TATDN2: variants seen among roughly 807,000 people sequenced by gnomAD.
TATDN2 encodes 3'-5' RNA nuclease TATDN2.
A neutral mutation model predicts 60.3 loss-of-function variants in TATDN2; 44 were observed. That is an observed-to-expected ratio of 0.73 (90% CI 0.57 to 0.94). The LOEUF (loss-of-function observed/expected upper bound fraction) is 0.94, where lower values mean the gene tolerates loss of function less well. TATDN2 is among the 40% of genes least tolerant of loss of function. TATDN2 has a pLI of 0.00. For missense variants in TATDN2, 997 were observed against 948.0 expected (o/e 1.05, Z -0.68); for synonymous variants, 399 against 355.8 (o/e 1.12, Z -1.37).
chr3:10,261,365 C>CTTTTTT (rs58599009), intron 3 of TATDN2, among the ~76,000 whole-genome samples: 14 of 134,034 alleles, frequency 1.0e-4, no homozygotes, highest in South Asian at 2.4e-4. Context: ...CCATCTTTTT[C>CTTTTTT]TTTTTTTTTT....
chr3:10,254,450 T>G (rs1017567464), intron 2 of TATDN2, among the ~76,000 whole-genome samples: 4 of 152,204 alleles, frequency 2.6e-5, no homozygotes, highest in African/African-American at 9.7e-5. Flanking sequence ...CTCTCATCCG[T>G]GCTCTCCTGC....
rs557373350 is a variant in TATDN2, at chr3:10,260,977, G to T, written c.948+307G>T. Among the ~76,000 whole-genome samples, 5 of 152,168 alleles carry T rather than the reference G, an allele frequency of 3.3e-5. 1 individual carries two copies. In the South Asian group the frequency reaches 1.0e-3, roughly 32 times the overall value. On this transcript the variant is annotated intron_variant, in intron 3 of 7. Transcript: ENST00000448281. The stretch of plus-strand genomic sequence containing the variant: ...ATATAAGTTTGGCTTAAGAAGGATG[G>T]CTCCATCATGTCAGAGATACTGGTA...
intron 3 of TATDN2, among the ~76,000 whole-genome samples, chr3:10,268,111 CAA>C (rs1412179870): frequency 6.6e-6 from 1 of 152,156 alleles, no homozygotes; most frequent in Non-Finnish European, 1.5e-5. Context: ...CACCCAGCTT[CAA>C]GAGTTCAGAT....
Position 10,261,848 on chromosome 3 carries a change from T to G in TATDN2, c.948+1178T>G, listed in dbSNP as rs528662528. On this transcript the variant is annotated intron_variant, in intron 3 of 7. Transcript: ENST00000448281. ...TGCTTGGGCGATGAGAATTTAGTTC[T>G]CTATACCTCCTTCAGAAGCACCCAC... 2.2e-4 allele frequency among the ~76,000 whole-genome samples: 33 copies of G among 152,354 alleles called. No individual in the cohort carries two copies. In the South Asian group the frequency reaches 5.2e-3, roughly 24 times the overall value.
At chr3:10,253,959 C>T (rs1424025273) in intron 2 of TATDN2, among the ~76,000 whole-genome samples, 1 of 152,186 alleles carries the variant, frequency 6.6e-6, no homozygotes, top group Non-Finnish European at 1.5e-5. Context: ...TCTGTTCTAG[C>T]CTGGCATCAG....
Position 10,278,624 on chromosome 3 carries a change from T to A in TATDN2, c.2145+162T>A. Reference sequence around the variant, plus strand: ...CTGTTACTCTGCAGAACCAAAAGTCTAGGGGGCTGAGAAGCTGAAGGGTAA... The same window carrying A: ...CTGTTACTCTGCAGAACCAAAAGTCAAGGGGGCTGAGAAGCTGAAGGGTAA... On this transcript the variant is annotated intron_variant, in intron 6 of 7. Transcript: ENST00000448281. This position sits in a 1 kb window ranked among gnomAD's most constrained non-coding sequence, Gnocchi z 4.7. The A allele has an allele frequency of 9.3e-7, 1 of 1,076,726 alleles. No homozygotes were observed. The highest frequency in any genetic ancestry group is 1.4e-6 in the Non-Finnish European group (1 of 716,694). The allele number at this position is 1,076,726 out of a possible 1,614,324, so 66.7% of individuals were successfully genotyped here. A position where few individuals can be genotyped will look rare whatever the true frequency, so the allele number is the denominator to read the frequency against.
intron 2 of TATDN2, among the ~76,000 whole-genome samples, chr3:10,252,076 A>G (rs1698239272): frequency 6.9e-6 from 1 of 144,850 alleles, no homozygotes. Context: ...TGAACCCAGG[A>G]GGCAGAGCTT....
At chr3:10,276,323 T>C (rs757778594) in intron 4 of TATDN2, 38 bp from the exon 5 acceptor site, 80 of 1,609,870 alleles carry the variant, frequency 5.0e-5, no homozygotes, top group Middle Eastern at 1.8e-4. Context: ...TCTGAAGTGC[T>C]GCTAACCAAC....
chr3:10,261,851 A>G (rs371441221), intron 3 of TATDN2, among the ~76,000 whole-genome samples: 1 of 152,306 alleles, frequency 6.6e-6, no homozygotes, highest in Admixed American at 6.5e-5. Context: ...TTAGTTCTCT[A>G]TACCTCCTTC....
At chr3:10,279,085 AT>A (rs957988188) in intron 7 of TATDN2, 22 bp downstream of exon 7, 1 of 1,571,908 alleles carries the variant, frequency 6.4e-7, no homozygotes, top group Non-Finnish European at 8.6e-7. Flanking sequence ...CACATTCTGT[AT>A]TTTTTAAAAA....
chr3:10,253,963 G>T (rs1308899048), intron 2 of TATDN2, among the ~76,000 whole-genome samples: 1 of 152,206 alleles, frequency 6.6e-6, no homozygotes, highest in East Asian at 1.9e-4. Context: ...TTCTAGCCTG[G>T]CATCAGATGT....
chr3:10,273,687 G>GT (rs112094295), intron 4 of TATDN2, among the ~76,000 whole-genome samples: 4,325 of 152,182 alleles, frequency 0.028, 199 homozygotes, highest in African/African-American at 0.097. Flanking sequence ...TTTGGTTGAT[G>GT]TACCTAAAAT....
chr3:10,261,117 G>C (rs971560289), intron 3 of TATDN2, among the ~76,000 whole-genome samples: 1 of 152,220 alleles, frequency 6.6e-6, no homozygotes, highest in Admixed American at 6.5e-5. Context: ...AGTGGGAAGG[G>C]GAGAAGAGGA....
Position 10,262,862 on chromosome 3 carries a change from T to C in TATDN2, c.948+2192T>C, listed in dbSNP as rs2543999. On this transcript the variant is annotated intron_variant, in intron 3 of 7. Transcript: ENST00000448281. ...TTCTGGTTTTCTTGATGTCTGAAGC[T>C]ATGCTGGTTCCTGAACCTTGGTATA... 8.2e-3 allele frequency among the ~76,000 whole-genome samples: 1,255 copies of C among 152,192 alleles called. 10 individuals are homozygous for C. The highest frequency in any genetic ancestry group is 0.029 in the South Asian group (142 of 4,824).
At chr3:10,259,164 GC>G (rs1468363256) in intron 2 of TATDN2, among the ~76,000 whole-genome samples, 1 of 152,052 alleles carries the variant, frequency 6.6e-6, no homozygotes, top group African/African-American at 2.4e-5. Context: ...GAGCCACCGC[GC>G]CCCGTGTGTT....
At chr3:10,274,608 TC>T (rs1698608089) in intron 4 of TATDN2, among the ~76,000 whole-genome samples, 1 of 151,978 alleles carries the variant, frequency 6.6e-6, no homozygotes, top group South Asian at 2.1e-4. Context: ...TGTGTAGGGG[TC>T]GGGGAGGGCA....
intron 4 of TATDN2, among the ~76,000 whole-genome samples, chr3:10,272,551 G>C (rs1328639551): frequency 1.3e-5 from 2 of 151,482 alleles, no homozygotes; most frequent in Non-Finnish European, 2.9e-5. Context: ...CGATTCTCTT[G>C]CCTCAGCCTC....
In TATDN2 at chr3:10,276,351, C is replaced by A. The variant is rs369045258; in HGVS notation, c.1834-10C>A. 6.2e-7 allele frequency: 1 copy of A among 1,613,512 alleles called. No homozygotes were observed. The highest frequency in any genetic ancestry group is 2.2e-5 in the East Asian group (1 of 44,884). On this transcript the variant is annotated splice_polypyrimidine_tract_variant and intron_variant, in intron 4 of 7. Transcript: ENST00000448281. ...TAACCAACAGGGGTTGTCGCTGTGT[C>A]CTCTCCTAGGTATTTGAGAGACAGC...
At chr3:10,264,000 G>A (rs1698443655) in intron 3 of TATDN2, among the ~76,000 whole-genome samples, 2 of 152,146 alleles carry the variant, frequency 1.3e-5, no homozygotes, top group Admixed American at 1.3e-4. Context: ...CGAAAGGGGC[G>A]GCTGCGGGGG....
Sources: allele counts gnomAD v4.1 joint callset (sites outside exome capture counted in the v4.1 genomes callset), GRCh38; gene constraint gnomAD v4.1.1; non-coding constraint Gnocchi (gnomAD v3.1); transcripts MANE v1.5; gene names NCBI Gene and HGNC (gene_info 2026-07-23, HGNC 2026-07-21).